SP140L: variants seen among roughly 807,000 people sequenced by gnomAD.
SP140L encodes the protein SP140 like nuclear body protein.
A neutral mutation model predicts 84.3 loss-of-function variants in SP140L; 64 were observed. The observed-to-expected ratio is 0.76, with a 90% CI of 0.62 to 0.94. The LOEUF is 0.94. SP140L is among the 40% of genes least tolerant of loss of function. The pLI, the probability that SP140L is intolerant of heterozygous loss-of-function variation, is 0.00. For synonymous variants in SP140L, 242 were observed against 236.9 expected (o/e 1.02, Z -0.20); for missense variants, 628 against 692.5 (o/e 0.91, Z 1.05).
chr2:230,368,298 C>T (rs879378262), intron 5 of SP140L, among the ~76,000 whole-genome samples: 8 of 152,104 alleles, frequency 5.3e-5, no homozygotes, highest in South Asian at 4.1e-4. Context: ...TGTCATTTCA[C>T]GGTTTCCTGG....
intron 8 of SP140L, 55 bp downstream of exon 8, chr2:230,383,630 A>G: frequency 6.5e-7 from 1 of 1,536,624 alleles, no homozygotes; most frequent in South Asian, 1.2e-5. Context: ...GGCGCTGTCC[A>G]TTGTATTCTG....
chr2:230,366,929 C>CA (rs1053337721), intron 5 of SP140L, among the ~76,000 whole-genome samples: 32 of 152,044 alleles, frequency 2.1e-4, no homozygotes, highest in African/African-American at 7.5e-4. Context: ...GATGGGGTTT[C>CA]ACCATGTTAC....
At position 230,327,263 on chromosome 2, in the gene SP140L, T is replaced by G. The variant is rs780416434; in HGVS notation, c.-7T>G. ...TCTGACACCCAGGCAGGGCCTAGGG[T>G]GGGACGATGGCAGGTGGGGGCAGCG... On this transcript the variant is annotated 5_prime_UTR_variant, in exon 1 of 19. Coordinates refer to ENST00000415673, the MANE Select transcript of SP140L (RefSeq NM_138402.6). The G allele has an allele frequency of 2.5e-6, 4 of 1,609,702 alleles. No homozygotes were observed. The highest frequency in any genetic ancestry group is 8.5e-7 in the Non-Finnish European group (1 of 1,178,174).
At chr2:230,333,616 C>A (rs2059786903) in intron 2 of SP140L, among the ~76,000 whole-genome samples, 1 of 151,996 alleles carries the variant, frequency 6.6e-6, no homozygotes, top group Non-Finnish European at 1.5e-5. Flanking sequence ...AAATGGAGAC[C>A]AATTTATTTC....
intron 5 of SP140L, among the ~76,000 whole-genome samples, chr2:230,363,853 A>T (rs760342218): frequency 1.6e-4 from 24 of 152,256 alleles, no homozygotes; most frequent in South Asian, 1.0e-3. Flanking sequence ...TTAATATGGC[A>T]TGAAATAGGG....
In SP140L at chr2:230,378,584, G is replaced by A. The variant is rs147182246; in HGVS notation, c.638-4926G>A. ...ACTGTGGTTTTTCTCTGGAAATATCGATGTCTGCAGTCTTGGAGGTATTCT... is the reference window on the plus strand; with the variant it reads ...ACTGTGGTTTTTCTCTGGAAATATCAATGTCTGCAGTCTTGGAGGTATTCT... On this transcript the variant is annotated intron_variant, in intron 7 of 18. Coordinates refer to ENST00000415673, the MANE Select transcript of SP140L (RefSeq NM_138402.6). 7.0e-3 allele frequency among the ~76,000 whole-genome samples: 1,066 copies of A among 152,260 alleles called. 6 individuals are homozygous for A. Among genetic ancestry groups the A allele is most frequent in the Non-Finnish European group, 0.011 (755 of 68,032 alleles).
chr2:230,369,002 G>A (rs1182818936), intron 5 of SP140L, among the ~76,000 whole-genome samples: 1 of 152,158 alleles, frequency 6.6e-6, no homozygotes, highest in Non-Finnish European at 1.5e-5. Context: ...TTTTGATGGT[G>A]TTATGTCTCT....
Position 230,400,181 on chromosome 2 carries a change from T to C in SP140L, c.1252T>C (p.Cys418Arg), listed in dbSNP as rs1234506074. The C allele has an allele frequency of 4.3e-6, 7 of 1,614,090 alleles. No homozygotes were observed. In the African/African-American group the frequency reaches 9.3e-5, roughly 22 times the overall value. ...VCRDGGELFCCDTCSRVFHED... is the reference protein window; with the variant it reads ...VCRDGGELFCRDTCSRVFHED... The stretch of plus-strand genomic sequence containing the variant: ...CCGGGACGGAGGGGAGCTGTTCTGT[T>C]GCGACACTTGTTCAAGAGTCTTCCA... Residue 418 changes from cysteine to arginine, a missense_variant, in exon 15 of 19, where the codon TGC becomes CGC. This residue lies in a region of SP140L where 525 missense variants were observed against 518.4 expected (regional missense o/e 1.01). Transcript: ENST00000415673.
chr2:230,401,464 A>G, intron 17 of SP140L, 21 bp downstream of exon 17: 1 of 1,425,442 alleles, frequency 7.0e-7, no homozygotes, highest in East Asian at 2.3e-5. Flanking sequence ...ACAGCAACCC[A>G]TGATTACAGG....
rs143729650 is a variant in SP140L, at chr2:230,335,933, G to A, written c.107+7102G>A. Reference sequence around the variant, plus strand: ...GAAAGTACAGAAGATTTATTGCAGCGTGAAAGCAAGTACATACTCAAGAGA... The same window carrying A: ...GAAAGTACAGAAGATTTATTGCAGCATGAAAGCAAGTACATACTCAAGAGA... On this transcript the variant is annotated intron_variant, in intron 2 of 18. Transcript: ENST00000415673. Among the ~76,000 whole-genome samples, 56 of 152,294 alleles carry A rather than the reference G, an allele frequency of 3.7e-4. No homozygotes were observed. The East Asian group carries it at 9.4e-3, about 26-fold the overall frequency.
chr2:230,363,969 A>G (rs1361384726), intron 5 of SP140L, among the ~76,000 whole-genome samples: 1 of 152,104 alleles, frequency 6.6e-6, no homozygotes. Flanking sequence ...GTTGAAAATC[A>G]GTTGACCAAA....
chr2:230,361,569 T>C (rs1479335161), intron 4 of SP140L, 45 bp from the exon 5 acceptor site: 6 of 1,461,484 alleles, frequency 4.1e-6, no homozygotes, highest in African/African-American at 1.4e-5. Flanking sequence ...TTGTCCCTGG[T>C]TCTCACAGAT....
At chr2:230,388,320 G>A (rs2061670081) in intron 9 of SP140L, among the ~76,000 whole-genome samples, 1 of 152,150 alleles carries the variant, frequency 6.6e-6, no homozygotes, top group African/African-American at 2.4e-5. Flanking sequence ...TGAGTTATAT[G>A]TGAAATACTG....
chr2:230,362,819 G>A (rs2060759907), intron 5 of SP140L, among the ~76,000 whole-genome samples: 1 of 151,874 alleles, frequency 6.6e-6, no homozygotes, highest in Admixed American at 6.6e-5. Flanking sequence ...GTGATATCCA[G>A]GGAACCTAAT....
In SP140L at chr2:230,357,929, C is replaced by G. The variant is rs540920855; in HGVS notation, c.232C>G (p.Leu78Val). 6 of 1,613,860 alleles carry G rather than the reference C, an allele frequency of 3.7e-6. No homozygotes were observed. Among genetic ancestry groups the G allele is most frequent in the Non-Finnish European group, 5.1e-6 (6 of 1,179,900 alleles). Residue 78 changes from leucine to valine, a missense_variant, in exon 3 of 19, where the codon CTC becomes GTC. Around this residue, in one of 4 missense-constraint regions of SP140L, gnomAD observed 525 missense variants for 518.4 expected, o/e 1.01. Transcript: ENST00000415673. ...IKKTFPFLEG[L>V]RDRELITNKM... ...AAAGACATTTCCATTCCTTGAGGGCCTCCGCGATCGGGAACTCATCACAAA... is the reference window on the plus strand; with the variant it reads ...AAAGACATTTCCATTCCTTGAGGGCGTCCGCGATCGGGAACTCATCACAAA...
chr2:230,364,327 A>C (rs2060805762), intron 5 of SP140L, among the ~76,000 whole-genome samples: 1 of 151,994 alleles, frequency 6.6e-6, no homozygotes, highest in Non-Finnish European at 1.5e-5. Context: ...TTCTTCTTCT[A>C]TTTCTTTAAT....
At position 230,340,446 on chromosome 2, in the gene SP140L, A is replaced by G. The variant is rs558492366; in HGVS notation, c.107+11615A>G. Among the ~76,000 whole-genome samples, 578 of 147,082 alleles carry G rather than the reference A, an allele frequency of 3.9e-3. 5 individuals are homozygous for G. The highest frequency in any genetic ancestry group is 7.1e-3 in the Admixed American group (104 of 14,598). On this transcript the variant is annotated intron_variant, in intron 2 of 18. Coordinates refer to ENST00000415673, the MANE Select transcript of SP140L (RefSeq NM_138402.6). ...CTGATGGGTCTTGACTCTTTATCCA[A>G]TTTGCCAGTCTGTGTCTTTTACTTG...
At chr2:230,390,817 T>A (rs988337666) in intron 11 of SP140L, among the ~76,000 whole-genome samples, 29 of 152,182 alleles carry the variant, frequency 1.9e-4, no homozygotes, top group Admixed American at 4.6e-4. Flanking sequence ...GCCATTATTA[T>A]CACCTAATTT....
At position 230,402,965 on chromosome 2, in the gene SP140L, C is replaced by G. The variant is rs2062422940; in HGVS notation, c.*69C>G. The G allele has an allele frequency of 7.7e-7, 1 of 1,304,784 alleles. No individual in the cohort carries two copies. The highest frequency in any genetic ancestry group is 1.5e-5 in the African/African-American group (1 of 66,620). 80.8% of individuals were successfully genotyped at this position (1,304,784 alleles called of 1,614,324 possible). On this transcript the variant is annotated 3_prime_UTR_variant, in exon 19 of 19. Coordinates refer to ENST00000415673, the MANE Select transcript of SP140L (RefSeq NM_138402.6). ...GTTGCCACTGACTTCAAACTGAGAG[C>G]ACTTGGGAAATAGCACATGCAGGGA...
Sources: gnomAD v4.1 joint callset for allele counts (sites outside exome capture counted in the v4.1 genomes callset) on GRCh38, gnomAD v4.1.1 for gene constraint, gnomAD v4.1.1 regional missense constraint, MANE v1.5 for transcripts, NCBI Gene and HGNC (gene_info 2026-07-23, HGNC 2026-07-21) for gene names.